The following KSR2 variants were observed in gnomAD, a reference collection of about 807,000 sequenced individuals.
KSR2 encodes the protein kinase suppressor of ras 2.
A neutral mutation model predicts 107.8 loss-of-function variants in KSR2; 25 were observed. That is an observed-to-expected ratio of 0.23 (90% confidence interval 0.17 to 0.32). The LOEUF is 0.32. Ranked by LOEUF, KSR2 falls within the 10% of genes least tolerant of loss-of-function variation. The pLI is 1.00. For synonymous variants in KSR2, 480 were observed against 507.0 expected, an observed-to-expected ratio of 0.95 and a Z score of 0.71; for missense variants, 887 against 1,268.9, an observed-to-expected ratio of 0.70 and a Z score of 4.57.
At chr12:117,498,529 C>G (rs1247777081) in intron 14 of KSR2, among the ~76,000 whole-genome samples, 1 of 152,166 alleles carries the variant, frequency 6.6e-6, no homozygotes, top group African/African-American at 2.4e-5. Flanking sequence ...CAATGAATGA[C>G]TCCTATCCTT....
At chr12:117,866,036 C>T (rs1297089372) in intron 1 of KSR2, among the ~76,000 whole-genome samples, 5 of 104,742 alleles carry the variant, frequency 4.8e-5, no homozygotes, top group Admixed American at 2.1e-4. Context: ...GCTAATCTCT[C>T]TCTTTTTTTT....
intron 4 of KSR2, among the ~76,000 whole-genome samples, chr12:117,691,806 G>A (rs1885825619): frequency 1.3e-5 from 2 of 152,240 alleles, no homozygotes; most frequent in African/African-American, 4.8e-5. Context: ...AGGAAGAAGT[G>A]TTCATGTCTC....
In KSR2 at chr12:117,833,951, A is replaced by G. The variant is rs368673109; in HGVS notation, c.472+21477T>C. Among the ~76,000 whole-genome samples the G allele has an allele frequency of 1.1e-4, 15 of 142,768 alleles. No homozygotes were observed. In the East Asian group the frequency reaches 3.1e-3, roughly 29 times the overall value. 93.7% of individuals were successfully genotyped at this position (142,768 alleles called of 152,430 possible). A position where few individuals can be genotyped will look rare whatever the true frequency, so the allele number is the denominator to read the frequency against. On this transcript the variant is annotated intron_variant, in intron 3 of 19. Transcript: ENST00000339824. ...CAATACCAGCCTGGGCAACATGGTG[A>G]AACCCTGTCTGTACAAAAAAAAAAA... is the stretch of plus-strand genomic sequence containing the variant.
At chr12:117,609,195 T>C (rs10444499) in intron 5 of KSR2, among the ~76,000 whole-genome samples, 138,503 of 152,202 alleles carry the variant, frequency 0.91, 63,276 homozygotes, top group East Asian at 0.99. Context: ...GCCACTTTGT[T>C]GCTGAGAGAT....
chr12:117,545,989 G>C (rs570217961), intron 9 of KSR2, among the ~76,000 whole-genome samples: 1 of 152,160 alleles, frequency 6.6e-6, no homozygotes, highest in Non-Finnish European at 1.5e-5. Context: ...TACAATTTTT[G>C]CTTCAACTCT....
At position 117,550,293 on chromosome 12, in the gene KSR2, C is replaced by G. The variant is rs75047554; in HGVS notation, c.1518+4876G>C. Among the ~76,000 whole-genome samples the G allele has an allele frequency of 3.9e-3, 599 of 152,304 alleles. 3 individuals carry two copies. Among genetic ancestry groups the G allele is most frequent in the African/African-American group, 0.014 (572 of 41,560 alleles). Reference sequence around the variant, plus strand: ...AGTAATAAGAAATTCACATCTGACTCTGAAACTCAAATAGAAGCACGTTCA... The same window carrying G: ...AGTAATAAGAAATTCACATCTGACTGTGAAACTCAAATAGAAGCACGTTCA... On this transcript the variant is annotated intron_variant, in intron 9 of 19. Transcript: ENST00000339824.
chr12:117,490,429 A>C (rs1872687777), intron 14 of KSR2, among the ~76,000 whole-genome samples: 1 of 152,240 alleles, frequency 6.6e-6, no homozygotes, highest in African/African-American at 2.4e-5. Context: ...AGTCTTACAA[A>C]GTGGGTATTC....
At position 117,834,054 on chromosome 12, in the gene KSR2, C is replaced by T. The variant is rs935744277; in HGVS notation, c.472+21374G>A. Among the ~76,000 whole-genome samples, 15 of 151,558 alleles carry T rather than the reference C, an allele frequency of 9.9e-5. No individual in the cohort carries two copies. In the East Asian group the frequency reaches 2.5e-3, roughly 26 times the overall value. The stretch of plus-strand genomic sequence containing the variant: ...TACTCTGGGGGCTGAGGGAGGAGGA[C>T]GGCTTGAGCCTGGCAGGCAAAGGTT... On this transcript the variant is annotated intron_variant, in intron 3 of 19. Transcript: ENST00000339824.
At chr12:117,802,445 C>T (rs61939860) in intron 3 of KSR2, among the ~76,000 whole-genome samples, 23,111 of 152,102 alleles carry the variant, frequency 0.15, 2,744 homozygotes, top group African/African-American at 0.32. Flanking sequence ...ACAGGTCACA[C>T]GTTCAGAGAT....
At chr12:117,962,911 T>C (rs1896697546) in intron 1 of KSR2, among the ~76,000 whole-genome samples, 2 of 148,302 alleles carry the variant, frequency 1.3e-5, no homozygotes, top group African/African-American at 5.0e-5. Flanking sequence ...CAGGCCCGGC[T>C]TGATGGCTCA....
chr12:117,832,687 G>C (rs1314491338), intron 3 of KSR2, among the ~76,000 whole-genome samples: 1 of 152,164 alleles, frequency 6.6e-6, no homozygotes, highest in East Asian at 1.9e-4. Flanking sequence ...TAGAGAGCAG[G>C]GTGCTCCTTC....
At chr12:117,626,400 T>A (rs1375425044) in intron 5 of KSR2, among the ~76,000 whole-genome samples, 2 of 152,230 alleles carry the variant, frequency 1.3e-5, no homozygotes, top group African/African-American at 4.8e-5. Context: ...TTCTGGTACC[T>A]TGTGTCTTTG....
At chr12:117,482,516 C>T (rs1454692449) in intron 16 of KSR2, among the ~76,000 whole-genome samples, 2 of 152,118 alleles carry the variant, frequency 1.3e-5, no homozygotes, top group African/African-American at 2.4e-5. Flanking sequence ...TTGCTGAAGG[C>T]ACTCCCTGGG....
At chr12:117,468,679 A>G (rs947928864) in intron 19 of KSR2, among the ~76,000 whole-genome samples, 1 of 152,108 alleles carries the variant, frequency 6.6e-6, no homozygotes, top group Non-Finnish European at 1.5e-5. Context: ...TTTAGAGGGT[A>G]AGCCATGGCA....
chr12:117,873,483 T>C (rs1893725793), intron 1 of KSR2, among the ~76,000 whole-genome samples: 1 of 125,924 alleles, frequency 7.9e-6, no homozygotes, highest in African/African-American at 3.3e-5. Flanking sequence ...TTTTTTGAGA[T>C]GGAGTCTCAC....
At chr12:117,942,511 C>G (rs1039730503) in intron 1 of KSR2, among the ~76,000 whole-genome samples, 3 of 142,150 alleles carry the variant, frequency 2.1e-5, no homozygotes, top group Non-Finnish European at 3.0e-5. Flanking sequence ...TTTTTTGAGA[C>G]AGGGTCTTGC....
At chr12:117,682,233 A>G (rs1357037559) in intron 4 of KSR2, among the ~76,000 whole-genome samples, 1 of 152,038 alleles carries the variant, frequency 6.6e-6, no homozygotes, top group Non-Finnish European at 1.5e-5. Flanking sequence ...ACATGTAGAC[A>G]CAGGGAAGGG....
intron 3 of KSR2, among the ~76,000 whole-genome samples, chr12:117,786,769 T>G (rs1890090926): frequency 6.6e-6 from 1 of 151,964 alleles, no homozygotes. Context: ...TGAAACGAGA[T>G]CGCACCATTG....
At chr12:117,782,386 C>T (rs1489809446) in intron 3 of KSR2, among the ~76,000 whole-genome samples, 2 of 152,194 alleles carry the variant, frequency 1.3e-5, no homozygotes, top group Non-Finnish European at 2.9e-5. Flanking sequence ...ACCTTGGTCT[C>T]CCGAGTAGCT....
Sources: gnomAD v4.1 joint callset for allele counts (sites outside exome capture counted in the v4.1 genomes callset) on GRCh38, gnomAD v4.1.1 for gene constraint, MANE v1.5 for transcripts, NCBI Gene and HGNC (gene_info 2026-07-23, HGNC 2026-07-21) for gene names.